LINGO2: variants seen among roughly 807,000 people sequenced by gnomAD.
The protein encoded by LINGO2 is leucine rich repeat and Ig domain containing 2.
A neutral mutation model predicts 30.6 loss-of-function variants in LINGO2; 14 were observed. The observed-to-expected ratio is 0.46, with a 90% CI of 0.30 to 0.72. LINGO2 has a LOEUF of 0.72. Among genes scored for constraint, LINGO2 ranks in the 30% least tolerant of loss-of-function variants. The pLI, the probability that LINGO2 is intolerant of heterozygous loss-of-function variation, is 0.07. For synonymous variants in LINGO2, 317 were observed against 288.5 expected (o/e 1.10, Z -1.00); for missense variants, 729 against 751.7 (o/e 0.97, Z 0.35).
chr9:28,236,755 G>A (rs1821580952), intron 4 of LINGO2, among the ~76,000 whole-genome samples: 1 of 152,110 alleles, frequency 6.6e-6, no homozygotes, highest in Non-Finnish European at 1.5e-5. Flanking sequence ...AGGGGGTGTA[G>A]GAAGGGAAGT....
At chr9:28,993,253 C>T in the LINGO2 span, among the ~76,000 whole-genome samples, 2 of 152,042 alleles carry the variant, frequency 1.3e-5, no homozygotes, top group African/African-American at 4.8e-5. Flanking sequence ...TGCAAATAAA[C>T]TAGAAAATCT....
chr9:28,148,244 A>G lies in LINGO2; in HGVS notation c.-86-135839T>C. On this transcript the variant is annotated intron_variant, in intron 4 of 5. Coordinates refer to ENST00000379992, the Ensembl canonical transcript of LINGO2. This position sits in a 1 kb window ranked among gnomAD's most constrained non-coding sequence, Gnocchi z 5.1. Reference sequence around the variant, plus strand: ...GTGTCTTATCCCTCGGAACATGGGCACCCCACAGAGGGTCCTGTCTCCTGT... The same window carrying G: ...GTGTCTTATCCCTCGGAACATGGGCGCCCCACAGAGGGTCCTGTCTCCTGT... 1.4e-6 allele frequency: 1 copy of G among 728,152 alleles called. No individual in the cohort carries two copies. The highest frequency in any genetic ancestry group is 2.2e-6 in the Non-Finnish European group (1 of 450,676). 45.1% of individuals were successfully genotyped at this position (728,152 alleles called of 1,614,324 possible).
At chr9:28,372,494 T>C (rs998750356) in intron 3 of LINGO2, among the ~76,000 whole-genome samples, 20 of 152,180 alleles carry the variant, frequency 1.3e-4, no homozygotes, top group African/African-American at 4.1e-4. Flanking sequence ...ATGGTGGTTA[T>C]AGAGGCTGGC....
chr9:27,966,828 C>G (rs540779011), intron 5 of LINGO2, among the ~76,000 whole-genome samples: 24 of 152,196 alleles, frequency 1.6e-4, no homozygotes, highest in African/African-American at 5.5e-4. Context: ...TTTCAAAACC[C>G]ACCCAGGCCC....
At chr9:28,457,161 C>T (rs1564210861) in intron 2 of LINGO2, among the ~76,000 whole-genome samples, 1 of 152,062 alleles carries the variant, frequency 6.6e-6, no homozygotes, top group Non-Finnish European at 1.5e-5. Context: ...TCAGGAGAAA[C>T]CTTGACCCAT....
the LINGO2 span, among the ~76,000 whole-genome samples, chr9:29,098,253 A>G: frequency 6.6e-6 from 1 of 152,200 alleles, no homozygotes; most frequent in African/African-American, 2.4e-5. Context: ...CAATATGACA[A>G]CTATTGCTCC....
chr9:28,449,055 G>GTA (rs1248605221), intron 2 of LINGO2, among the ~76,000 whole-genome samples: 1 of 151,562 alleles, frequency 6.6e-6, no homozygotes, highest in Non-Finnish European at 1.5e-5. Flanking sequence ...GTGTGTGTGT[G>GTA]TGTGTGTGTG....
intron 1 of LINGO2, among the ~76,000 whole-genome samples, chr9:28,497,359 T>A (rs1398610779): frequency 5.3e-5 from 8 of 152,174 alleles, no homozygotes; most frequent in Non-Finnish European, 1.0e-4. Flanking sequence ...TGTTCATTTC[T>A]TTTTACTCTT....
At chr9:28,598,266 T>C (rs938433144) in intron 1 of LINGO2, among the ~76,000 whole-genome samples, 7 of 151,996 alleles carry the variant, frequency 4.6e-5, no homozygotes, top group Non-Finnish European at 8.8e-5. Context: ...GCAAAAGTTC[T>C]TATATACATC....
chr9:28,420,702 G>T (rs1244405024), intron 2 of LINGO2, among the ~76,000 whole-genome samples: 1 of 151,972 alleles, frequency 6.6e-6, no homozygotes, highest in African/African-American at 2.4e-5. Flanking sequence ...AAAGAGAATA[G>T]GCATAAATTC....
chr9:28,198,063 A>G (rs1820077324), intron 4 of LINGO2, among the ~76,000 whole-genome samples: 1 of 151,190 alleles, frequency 6.6e-6, no homozygotes, highest in Non-Finnish European at 1.5e-5. Flanking sequence ...TGAGCACAGC[A>G]ATCAAAATTA....
chr9:28,575,068 A>T, intron 1 of LINGO2, among the ~76,000 whole-genome samples: 1 of 152,176 alleles, frequency 6.6e-6, no homozygotes, highest in Non-Finnish European at 1.5e-5. Flanking sequence ...ACCTGGATGC[A>T]GCTGGAGAAC....
intron 4 of LINGO2, among the ~76,000 whole-genome samples, chr9:28,222,111 G>A (rs1820986177): frequency 6.6e-6 from 1 of 151,960 alleles, no homozygotes; most frequent in South Asian, 2.1e-4. Flanking sequence ...ATAGAACAAA[G>A]GAAGATAAAA....
At chr9:29,159,853 C>T in the LINGO2 span, among the ~76,000 whole-genome samples, 1 of 149,252 alleles carries the variant, frequency 6.7e-6, no homozygotes, top group Non-Finnish European at 1.5e-5. Context: ...AAAAAGAGTA[C>T]TTTGTGAATC....
In LINGO2 at chr9:28,638,512, A is replaced by T. The variant is rs541154885; in HGVS notation, c.-365+31688T>A. ...CAATTTCAGAGCCTGTTATTGGTCT[A>T]TTCAGAGATTCAACTGCTTCCTGGT... On this transcript the variant is annotated intron_variant, in intron 1 of 5. Coordinates refer to ENST00000379992, the Ensembl canonical transcript of LINGO2. Among the ~76,000 whole-genome samples, 407 of 152,272 alleles carry T rather than the reference A, an allele frequency of 2.7e-3. 3 individuals are homozygous for T. Among genetic ancestry groups the T allele is most frequent in the South Asian group, 0.011 (54 of 4,828 alleles).
intron 4 of LINGO2, among the ~76,000 whole-genome samples, chr9:28,090,980 T>C (rs1405910134): frequency 6.6e-6 from 1 of 152,074 alleles, no homozygotes. Flanking sequence ...TCAAAGAGGA[T>C]AAAATACCTA....
intron 4 of LINGO2, among the ~76,000 whole-genome samples, chr9:28,062,834 CA>C: frequency 6.6e-6 from 1 of 151,832 alleles, no homozygotes; most frequent in East Asian, 1.9e-4. Flanking sequence ...ACTATCACCA[CA>C]TTTTCATCAA....
chr9:28,268,322 G>T (rs1419142616), intron 4 of LINGO2, among the ~76,000 whole-genome samples: 2 of 152,060 alleles, frequency 1.3e-5, no homozygotes, highest in Non-Finnish European at 2.9e-5. Flanking sequence ...ACCACAGTCT[G>T]TGATGGTATC....
At chr9:29,070,223 C>A in the LINGO2 span, among the ~76,000 whole-genome samples, 1 of 152,098 alleles carries the variant, frequency 6.6e-6, no homozygotes, top group Non-Finnish European at 1.5e-5. Context: ...TCACAGCTAA[C>A]AAATTGTGGC....
Sources: allele counts gnomAD v4.1 joint callset (sites outside exome capture counted in the v4.1 genomes callset), GRCh38; gene constraint gnomAD v4.1.1; non-coding constraint Gnocchi (gnomAD v3.1); transcripts MANE v1.5; gene names NCBI Gene and HGNC (gene_info 2026-07-23, HGNC 2026-07-21).